The following ATG7 variants were observed in gnomAD, a reference collection of about 807,000 sequenced individuals.
ATG7 encodes the protein ubiquitin-like modifier-activating enzyme ATG7.
In ATG7, 70 loss-of-function variants were observed where a neutral mutation model predicts 82.4. The observed-to-expected ratio is 0.85, with a 90% CI of 0.70 to 1.04. The LOEUF is 1.04. Ranked by LOEUF, ATG7 falls within the 50% of genes least tolerant of loss-of-function variation. ATG7 has a pLI of 0.00. For missense variants in ATG7, 792 were observed against 864.3 expected (o/e 0.92, Z 1.05); for synonymous variants, 287 against 313.0 (o/e 0.92, Z 0.88).
chr3:11,506,799 C>T (rs1010884894), intron 20 of ATG7, among the ~76,000 whole-genome samples: 2 of 151,942 alleles, frequency 1.3e-5, no homozygotes, highest in Non-Finnish European at 2.9e-5. Flanking sequence ...GTTGGGCAGC[C>T]CTGGTCTAGA....
At chr3:11,494,955 C>T (rs1022707619) in intron 20 of ATG7, among the ~76,000 whole-genome samples, 2 of 152,098 alleles carry the variant, frequency 1.3e-5, no homozygotes, top group African/African-American at 4.8e-5. Flanking sequence ...ACCTGTAATC[C>T]CAGCTACTCG....
chr3:11,342,246 C>G lies in ATG7; in HGVS notation c.1092C>G (p.Gly364=). The G allele has an allele frequency of 6.2e-7, 1 of 1,613,472 alleles. No homozygotes were observed. The highest frequency in any genetic ancestry group is 1.7e-5 in the Admixed American group (1 of 59,940). The stretch of plus-strand genomic sequence containing the variant: ...TCAAATGTCTGCTGCTTGGAGCCGG[C>G]ACCTTGGGTTGCAATGTAGCTAGGA... ...VSVKCLLLGA[G]TLGCNVARTL... The change falls in exon 13 of 21, where the codon GGC becomes GGG. Residue 364 remains glycine, a synonymous_variant. Transcript: ENST00000693202.
Position 11,315,307 on chromosome 3 carries a change from A to AT in ATG7, c.529-33dup, listed in dbSNP as rs781731374. ...TTTTTAGCCCAGAACTAGAAATGTA[A>AT]TTTTCTAGAGAATAACAACGTGTTT... On this transcript the variant is annotated intron_variant, in intron 8 of 20. Coordinates refer to ENST00000693202, the MANE Select transcript of ATG7 (RefSeq NM_001349232.2). The AT allele has an allele frequency of 7.4e-6, 11 of 1,477,640 alleles. No homozygotes were observed. The South Asian group carries it at 1.5e-4, about 21-fold the overall frequency. 91.5% of individuals were successfully genotyped at this position (1,477,640 alleles called of 1,614,324 possible).
At chr3:11,481,622 A>T (rs775908139) in intron 20 of ATG7, among the ~76,000 whole-genome samples, 1 of 152,202 alleles carries the variant, frequency 6.6e-6, no homozygotes, top group Admixed American at 6.5e-5. Context: ...AATGAATTGT[A>T]TAACCTTTCC....
chr3:11,576,112 C>G, the ATG7 span, among the ~76,000 whole-genome samples: 2 of 152,116 alleles, frequency 1.3e-5, no homozygotes, highest in Non-Finnish European at 2.9e-5. Flanking sequence ...AGAACATGAC[C>G]GGTAAAGCAT....
Position 11,511,781 on chromosome 3 carries a change from C to T in ATG7, c.2080-43030C>T, listed in dbSNP as rs191985950. Among the ~76,000 whole-genome samples the T allele has an allele frequency of 3.3e-3, 498 of 152,280 alleles. 9 individuals carry two copies. The East Asian group carries it at 0.039, about 12-fold the overall frequency. ...AGGCCCAGCGAGAAATCGAGCACAGCACCGGTGGGCTGGTACTGCTGGGGT... is the reference window on the plus strand; with the variant it reads ...AGGCCCAGCGAGAAATCGAGCACAGTACCGGTGGGCTGGTACTGCTGGGGT... On this transcript the variant is annotated intron_variant, in intron 20 of 20. Coordinates refer to ENST00000693202, the MANE Select transcript of ATG7 (RefSeq NM_001349232.2).
chr3:11,535,818 G>C (rs1358470175), intron 20 of ATG7, among the ~76,000 whole-genome samples: 2 of 152,212 alleles, frequency 1.3e-5, no homozygotes, highest in East Asian at 3.9e-4. Context: ...CCGTGGACCT[G>C]CCAGCTTCGC....
In ATG7 at chr3:11,306,981, G is replaced by T; in HGVS notation, c.254G>T (p.Gly85Val). The stretch of plus-strand genomic sequence containing the variant: ...CCAGCCCGTTGCTGCCCAGCTATTG[G>T]AACACTGTATAACACCAACACACTC... ...PTPARCCPAI[G>V]TLYNTNTLES... is the part of the protein sequence containing the mutation. The change falls in exon 6 of 21, where the codon GGA becomes GTA. Residue 85 changes from glycine to valine, a missense_variant. By Grantham distance (109) the Gly-to-Val change is moderately radical (BLOSUM62 -3). Transcript: ENST00000693202. 6.2e-7 allele frequency: 1 copy of T among 1,614,008 alleles called. No individual in the cohort carries two copies. The highest frequency in any genetic ancestry group is 8.5e-7 in the Non-Finnish European group (1 of 1,179,988).
chr3:11,321,452 A>T (rs868493920), intron 9 of ATG7, among the ~76,000 whole-genome samples: 10 of 152,170 alleles, frequency 6.6e-5, no homozygotes, highest in African/African-American at 2.2e-4. Flanking sequence ...TCACTCATAC[A>T]TGTTATCACT....
intron 20 of ATG7, among the ~76,000 whole-genome samples, chr3:11,458,175 A>G (rs1375182896): frequency 1.3e-5 from 2 of 151,890 alleles, no homozygotes; most frequent in Non-Finnish European, 2.9e-5. Flanking sequence ...ACTCAAAGCC[A>G]ATTTCTTCAT....
intron 19 of ATG7, among the ~76,000 whole-genome samples, chr3:11,420,129 T>C (rs2081797999): frequency 6.6e-6 from 1 of 152,248 alleles, no homozygotes; most frequent in Admixed American, 6.5e-5. Context: ...TTTTCCTTTT[T>C]AAGAAGGCTA....
Position 11,313,566 on chromosome 3 carries a change from A to C in ATG7, c.528+146A>C, listed in dbSNP as rs1948984079. The stretch of plus-strand genomic sequence containing the variant: ...CAAAGGTGGTACTAGGAGCAGACTT[A>C]TTTAGAAAATGTTTGTAAAGTCATT... On this transcript the variant is annotated intron_variant, in intron 8 of 20. Coordinates refer to ENST00000693202, the MANE Select transcript of ATG7 (RefSeq NM_001349232.2). The C allele has an allele frequency of 9.4e-6, 5 of 529,502 alleles. No individual in the cohort carries two copies. The Admixed American group carries it at 1.8e-4, about 19-fold the overall frequency. The allele number at this position is 529,502 out of a possible 1,614,324, so 32.8% of individuals were successfully genotyped here. A position where few individuals can be genotyped will look rare whatever the true frequency, so the allele number is the denominator to read the frequency against.
At chr3:11,311,498 A>C in intron 7 of ATG7, among the ~76,000 whole-genome samples, 1 of 151,318 alleles carries the variant, frequency 6.6e-6, no homozygotes, top group South Asian at 2.1e-4. Context: ...ACTACTCGGG[A>C]GGCTGAGGCA....
At chr3:11,472,076 T>G (rs1410677371) in intron 20 of ATG7, among the ~76,000 whole-genome samples, 1 of 152,158 alleles carries the variant, frequency 6.6e-6, no homozygotes, top group African/African-American at 2.4e-5. Context: ...TCTACAAAAT[T>G]ATTATATTAG....
chr3:11,406,716 G>A lies in ATG7; in HGVS notation c.1957-20088G>A, dbSNP rs909511468. ...TAAGGAGGAGCAAGTCACATCTTAC[G>A]TGGATGGCAGCAGGAAAACAGAGCT... On this transcript the variant is annotated intron_variant, in intron 19 of 20. Coordinates refer to ENST00000693202, the MANE Select transcript of ATG7 (RefSeq NM_001349232.2). Among the ~76,000 whole-genome samples, 27 of 152,264 alleles carry A rather than the reference G, an allele frequency of 1.8e-4. No individual in the cohort carries two copies. In the Middle Eastern group the frequency reaches 0.014, roughly 77 times the overall value.
rs892938 is a variant in ATG7, at chr3:11,555,423, A to G, written c.*580A>G. 1 allele frequency: 153,223 copies of G among 153,274 alleles called. 76,586 individuals carry two copies. The highest frequency in any genetic ancestry group is 1 in the Middle Eastern group (302 of 302). 9.5% of individuals were successfully genotyped at this position (153,274 alleles called of 1,614,324 possible). A position where few individuals can be genotyped will look rare whatever the true frequency, so the allele number is the denominator to read the frequency against. Reference sequence around the variant, plus strand: ...GACCCAGTGACGCCAGATTTCCACCAAGGACTGAGTGAGCTGCTCAGACAT... The same window carrying G: ...GACCCAGTGACGCCAGATTTCCACCGAGGACTGAGTGAGCTGCTCAGACAT... On this transcript the variant is annotated 3_prime_UTR_variant, in exon 21 of 21. Transcript: ENST00000693202.
intron 14 of ATG7, among the ~76,000 whole-genome samples, chr3:11,353,272 T>C (rs1285667222): frequency 1.3e-5 from 2 of 151,934 alleles, no homozygotes; most frequent in African/African-American, 4.8e-5. Flanking sequence ...TGAAACCCTG[T>C]CTCTACTACT....
chr3:11,284,294 C>T (rs1318093992), intron 3 of ATG7, among the ~76,000 whole-genome samples: 3 of 152,184 alleles, frequency 2.0e-5, no homozygotes, highest in Non-Finnish European at 4.4e-5. Flanking sequence ...GGCGGTCTCA[C>T]TCCAGGAAGC....
intron 3 of ATG7, among the ~76,000 whole-genome samples, chr3:11,291,176 T>C (rs1944927346): frequency 6.6e-6 from 1 of 152,236 alleles, no homozygotes; most frequent in Non-Finnish European, 1.5e-5. Flanking sequence ...TGTGGATGAC[T>C]GACATATGTA....
Sources: allele counts gnomAD v4.1 joint callset (sites outside exome capture counted in the v4.1 genomes callset), GRCh38; gene constraint gnomAD v4.1.1; transcripts MANE v1.5; gene names NCBI Gene and HGNC (gene_info 2026-07-23, HGNC 2026-07-21).